The following TMEM266 variants were observed in gnomAD, a reference collection of about 807,000 sequenced individuals.
TMEM266 encodes the protein transmembrane protein 266.
Under a neutral mutation model 50.5 loss-of-function variants are expected in TMEM266, and 33 were observed. The observed-to-expected ratio is 0.65, with a 90% CI of 0.50 to 0.87. The LOEUF (loss-of-function observed/expected upper bound fraction) is 0.87, where lower values mean the gene tolerates loss of function less well. Ranked by LOEUF, TMEM266 falls within the 40% of genes least tolerant of loss-of-function variation. The pLI, the probability that TMEM266 is intolerant of heterozygous loss-of-function variation, is 0.00. For missense variants in TMEM266, 655 were observed against 695.1 expected, an observed-to-expected ratio of 0.94 and a Z score of 0.65; for synonymous variants, 310 against 292.3, an observed-to-expected ratio of 1.06 and a Z score of -0.62.
intron 1 of TMEM266, among the ~76,000 whole-genome samples, chr15:76,082,078 A>T (rs911464062): frequency 6.6e-6 from 1 of 152,266 alleles, no homozygotes; most frequent in East Asian, 1.9e-4. Flanking sequence ...TGTTGGCTGT[A>T]TTGCATCAAC....
chr15:76,180,429 G>A (rs2142070551), intron 8 of TMEM266, among the ~76,000 whole-genome samples: 1 of 152,038 alleles, frequency 6.6e-6, no homozygotes, highest in Non-Finnish European at 1.5e-5. Flanking sequence ...GGGTAAGCCT[G>A]GGGTTGTGGG....
chr15:76,137,211 C>T (rs1257075101), intron 2 of TMEM266, among the ~76,000 whole-genome samples: 1 of 152,182 alleles, frequency 6.6e-6, no homozygotes, highest in African/African-American at 2.4e-5. Context: ...CATGCAGGCT[C>T]CTCAATCACC....
intron 9 of TMEM266, among the ~76,000 whole-genome samples, chr15:76,198,831 G>A (rs773019020): frequency 3.4e-5 from 3 of 89,358 alleles, no homozygotes; most frequent in Non-Finnish European, 5.2e-5. Context: ...AGGCAGGCCC[G>A]GCCTCAGCAC....
intron 9 of TMEM266, among the ~76,000 whole-genome samples, chr15:76,198,960 C>T (rs1356954501): frequency 8.0e-5 from 7 of 87,530 alleles, no homozygotes. Context: ...CAAGTGCAGA[C>T]TGAAAAGACC....
rs1398222520 is a variant in TMEM266, at chr15:76,161,466, T to TCG, written c.456+1299_456+1300insGC. 6.6e-6 allele frequency among the ~76,000 whole-genome samples: 1 copy of TCG among 151,784 alleles called. No homozygotes were observed. Among genetic ancestry groups the TCG allele is most frequent in the Non-Finnish European group, 1.5e-5 (1 of 67,906 alleles). On this transcript the variant is annotated intron_variant, in intron 5 of 10. Transcript: ENST00000388942. The surrounding 1 kb of genome is among the most constrained non-coding windows in gnomAD (Gnocchi z 4.1). ...TCTGGCCTAGCTAATGGCTCTGCTCTCTCTCTCTCTCTCTCCCTAAAAATC... is the reference window on the plus strand; with the variant it reads ...TCTGGCCTAGCTAATGGCTCTGCTCTCGCTCTCTCTCTCTCTCCCTAAAAATC...
intron 1 of TMEM266, among the ~76,000 whole-genome samples, chr15:76,090,549 CAAAG>C (rs894032338): frequency 6.8e-6 from 1 of 147,990 alleles, no homozygotes; most frequent in African/African-American, 2.5e-5. Context: ...TGCAGAACCT[CAAAG>C]GAAACAAAAA....
chr15:76,132,482 C>A (rs572237900), intron 1 of TMEM266, among the ~76,000 whole-genome samples: 1 of 152,014 alleles, frequency 6.6e-6, no homozygotes, highest in Non-Finnish European at 1.5e-5. Context: ...ACAGACTATG[C>A]CCTTTTAATT....
At chr15:76,151,801 G>C (rs1001818354) in intron 3 of TMEM266, among the ~76,000 whole-genome samples, 1 of 152,140 alleles carries the variant, frequency 6.6e-6, no homozygotes, top group Non-Finnish European at 1.5e-5. Flanking sequence ...CAGCAAGCAC[G>C]GGGAAGGGCT....
rs1469442321 is a variant in TMEM266 at position 76,168,476 on chromosome 15, T to G, written c.457-1340T>G. Among the ~76,000 whole-genome samples the G allele has an allele frequency of 1.3e-5, 2 of 152,228 alleles. No individual in the cohort carries two copies. Among genetic ancestry groups the G allele is most frequent in the Non-Finnish European group, 2.9e-5 (2 of 68,052 alleles). Reference sequence around the variant, plus strand: ...AGGCATGCGGGAGAGGGGCACCATCTGGTGTGAATCACCGTGAATTAAAGT... The same window carrying G: ...AGGCATGCGGGAGAGGGGCACCATCGGGTGTGAATCACCGTGAATTAAAGT... On this transcript the variant is annotated intron_variant, in intron 5 of 10. Coordinates refer to ENST00000388942, the MANE Select transcript of TMEM266 (RefSeq NM_152335.3). This position sits in a 1 kb window ranked among gnomAD's most constrained non-coding sequence, Gnocchi z 4.4.
chr15:76,134,343 G>A (rs2037559182), intron 2 of TMEM266, 42 bp downstream of exon 2: 7 of 1,589,724 alleles, frequency 4.4e-6, no homozygotes, highest in Non-Finnish European at 6.0e-6. Context: ...CAGAACTGTG[G>A]CTATAAATCT....
intron 1 of TMEM266, among the ~76,000 whole-genome samples, chr15:76,103,086 A>G (rs1249832956): frequency 2.6e-5 from 4 of 152,036 alleles, no homozygotes; most frequent in African/African-American, 9.7e-5. Context: ...CTATGGCAGT[A>G]ATCGGCCGAG....
At chr15:76,078,999 C>G (rs2036644663) in intron 1 of TMEM266, among the ~76,000 whole-genome samples, 1 of 152,222 alleles carries the variant, frequency 6.6e-6, no homozygotes, top group Non-Finnish European at 1.5e-5. Context: ...TCTGCCCCAT[C>G]CATAATCACT....
chr15:76,173,173 C>T (rs961426371), intron 7 of TMEM266, among the ~76,000 whole-genome samples: 1 of 152,120 alleles, frequency 6.6e-6, no homozygotes, highest in Non-Finnish European at 1.5e-5. Flanking sequence ...CTCAGGGACA[C>T]GTGGCCGGTC....
At chr15:76,105,578 A>C (rs1025546616) in intron 1 of TMEM266, among the ~76,000 whole-genome samples, 1 of 152,266 alleles carries the variant, frequency 6.6e-6, no homozygotes, top group Admixed American at 6.5e-5. Context: ...GTACAAAAGC[A>C]GTCTGACAGT....
chr15:76,108,093 C>T (rs1203806478), intron 1 of TMEM266, among the ~76,000 whole-genome samples: 1 of 152,258 alleles, frequency 6.6e-6, no homozygotes, highest in Non-Finnish European at 1.5e-5. Context: ...GAAGCCTGCA[C>T]AAACAAGCAA....
At chr15:76,198,069 C>G (rs1250626050) in intron 9 of TMEM266, among the ~76,000 whole-genome samples, 2 of 152,224 alleles carry the variant, frequency 1.3e-5, no homozygotes, top group African/African-American at 2.4e-5. Context: ...GCCAGGGGTT[C>G]AGGGAGGCAA....
At chr15:76,108,634 C>A (rs1411949743) in intron 1 of TMEM266, among the ~76,000 whole-genome samples, 1 of 152,118 alleles carries the variant, frequency 6.6e-6, no homozygotes, top group East Asian at 1.9e-4. Flanking sequence ...TGTGAAGAGC[C>A]TGGTCCATTG....
intron 9 of TMEM266, among the ~76,000 whole-genome samples, chr15:76,196,709 G>C (rs974407773): frequency 1.3e-5 from 2 of 152,152 alleles, no homozygotes. Context: ...TTTGCAGGGT[G>C]GGGGAGGGCA....
Position 76,201,733 on chromosome 15 carries a change from C to T in TMEM266, c.959-469C>T, listed in dbSNP as rs8039363. ...GGAAGGCTGGAGCCCACAGGTGGAT[C>T]GAGCCACGGGGGGCTATCTGGATGG... On this transcript the variant is annotated intron_variant, in intron 9 of 10. Coordinates refer to ENST00000388942, the MANE Select transcript of TMEM266 (RefSeq NM_152335.3). 4.6e-3 allele frequency among the ~76,000 whole-genome samples: 693 copies of T among 152,228 alleles called. 6 individuals are homozygous for T. Among genetic ancestry groups the T allele is most frequent in the African/African-American group, 0.016 (657 of 41,522 alleles).
Sources: gnomAD v4.1 joint callset for allele counts (sites outside exome capture counted in the v4.1 genomes callset) on GRCh38, gnomAD v4.1.1 for gene constraint, Gnocchi (gnomAD v3.1) non-coding constraint, MANE v1.5 for transcripts, NCBI Gene and HGNC (gene_info 2026-07-23, HGNC 2026-07-21) for gene names.